RPS6KA2: variants seen among roughly 807,000 people sequenced by gnomAD.
The protein encoded by RPS6KA2 is ribosomal protein S6 kinase A2.
Under a neutral mutation model 91.8 loss-of-function variants are expected in RPS6KA2, and 42 were observed. The observed-to-expected ratio is 0.46, with a 90% CI of 0.36 to 0.59. RPS6KA2 has a LOEUF of 0.59. Among genes scored for constraint, RPS6KA2 ranks in the 20% least tolerant of loss-of-function variants. The pLI is 0.00. For missense variants in RPS6KA2, 798 were observed against 978.5 expected (o/e 0.82, Z 2.46); for synonymous variants, 414 against 393.6 (o/e 1.05, Z -0.61).
intron 2 of RPS6KA2, among the ~76,000 whole-genome samples, chr6:166,773,938 G>A (rs190053390): frequency 2.7e-4 from 41 of 152,316 alleles, no homozygotes; most frequent in Middle Eastern, 3.4e-3. Flanking sequence ...ATAAATGGAC[G>A]TGGTCAGACA....
intron 12 of RPS6KA2, among the ~76,000 whole-genome samples, chr6:166,458,132 G>T (rs1029586913): frequency 6.6e-6 from 1 of 152,190 alleles, no homozygotes; most frequent in Non-Finnish European, 1.5e-5. Context: ...TTTGGAGACA[G>T]GGCCTTGATA....
At chr6:166,581,214 A>T (rs1262500104) in intron 1 of RPS6KA2, among the ~76,000 whole-genome samples, 1 of 152,198 alleles carries the variant, frequency 6.6e-6, no homozygotes, top group Non-Finnish European at 1.5e-5. Context: ...TTAATATTGC[A>T]CATACATATT....
chr6:166,562,685 G>A (rs1397285969), intron 1 of RPS6KA2, among the ~76,000 whole-genome samples: 3 of 152,188 alleles, frequency 2.0e-5, no homozygotes, highest in South Asian at 2.1e-4. Context: ...AGACAAACCC[G>A]TTACCCATAA....
Position 166,732,864 on chromosome 6 carries a change from T to C in RPS6KA2, c.123+125336A>G, listed in dbSNP as rs893852846. The stretch of plus-strand genomic sequence containing the variant: ...GGCAGGGAACAGCCAAAGTGAAGGC[T>C]GCTCTGGTTCAAGTTGGTGTTCAAA... On this transcript the variant is annotated intron_variant, in intron 2 of 21. Transcript: ENST00000503859. The surrounding 1 kb of genome is among the most constrained non-coding windows in gnomAD (Gnocchi z 4.0). 2.2e-4 allele frequency among the ~76,000 whole-genome samples: 34 copies of C among 152,104 alleles called. No homozygotes were observed. Among genetic ancestry groups the C allele is most frequent in the African/African-American group, 7.7e-4 (32 of 41,332 alleles).
At position 166,411,902 on chromosome 6, in the gene RPS6KA2, G is replaced by T. The variant is rs367965678; in HGVS notation, c.*860C>A. The T allele has an allele frequency of 6.6e-6, 1 of 152,314 alleles. No individual in the cohort carries two copies. The highest frequency in any genetic ancestry group is 6.5e-5 in the Admixed American group (1 of 15,286). 9.4% of individuals were successfully genotyped at this position (152,314 alleles called of 1,614,324 possible). A position where few individuals can be genotyped will look rare whatever the true frequency, so the allele number is the denominator to read the frequency against. On this transcript the variant is annotated 3_prime_UTR_variant, in exon 21 of 21. Transcript: ENST00000265678. This position sits in a 1 kb window ranked among gnomAD's most constrained non-coding sequence, Gnocchi z 4.5. ...TGAGCACACAGGAAGCCGACACAGG[G>T]CTGAGCAGGTGCGAGAACCCACGAC...
intron 2 of RPS6KA2, among the ~76,000 whole-genome samples, chr6:166,721,452 T>C (rs1365895187): frequency 6.6e-6 from 1 of 152,232 alleles, no homozygotes; most frequent in East Asian, 1.9e-4. Flanking sequence ...CATCCCTCCC[T>C]TGCCAGAGAT....
intron 3 of RPS6KA2, among the ~76,000 whole-genome samples, chr6:166,529,013 C>T (rs542767053): frequency 3.3e-5 from 5 of 152,266 alleles, no homozygotes; most frequent in East Asian, 1.9e-4. Context: ...GACAGTGTGG[C>T]GATTCCTCAA....
intron 2 of RPS6KA2, among the ~76,000 whole-genome samples, chr6:166,824,701 CTG>C (rs372922737): frequency 0.043 from 4,805 of 111,076 alleles, 230 homozygotes; most frequent in African/African-American, 0.15. Context: ...GTGTCTGTGT[CTG>C]TGTGTGTGTG....
chr6:166,411,445 G>C lies in RPS6KA2; in HGVS notation c.*1317C>G, dbSNP rs1396349405. 2.0e-5 allele frequency: 3 copies of C among 152,270 alleles called. No individual in the cohort carries two copies. Among genetic ancestry groups the C allele is most frequent in the Middle Eastern group, 3.4e-3 (1 of 294 alleles). 9.4% of individuals were successfully genotyped at this position (152,270 alleles called of 1,614,324 possible). A position where few individuals can be genotyped will look rare whatever the true frequency, so the allele number is the denominator to read the frequency against. On this transcript the variant is annotated 3_prime_UTR_variant, in exon 21 of 21. Transcript: ENST00000265678. This position sits in a 1 kb window ranked among gnomAD's most constrained non-coding sequence, Gnocchi z 4.5. ...AGGGAGCATCTTCAACACCCTTACA[G>C]GACAATGAAGGACCCGTGTGTTCCC... is the stretch of plus-strand genomic sequence containing the variant.
chr6:166,757,369 C>T (rs548800124), intron 2 of RPS6KA2, among the ~76,000 whole-genome samples: 5 of 152,300 alleles, frequency 3.3e-5, no homozygotes, highest in East Asian at 3.9e-4. Flanking sequence ...CTCTTGGCAC[C>T]GCTCCGAGAC....
intron 2 of RPS6KA2, among the ~76,000 whole-genome samples, chr6:166,818,847 G>A (rs1051949304): frequency 2.0e-5 from 3 of 151,908 alleles, no homozygotes; most frequent in Non-Finnish European, 4.4e-5. Flanking sequence ...GCTGATAACT[G>A]GACATGCCCT....
At chr6:166,717,583 G>A (rs541147502) in intron 2 of RPS6KA2, among the ~76,000 whole-genome samples, 16 of 152,308 alleles carry the variant, frequency 1.1e-4, no homozygotes, top group South Asian at 6.2e-4. Flanking sequence ...GACAGATCCC[G>A]CGGGTGAAGT....
intron 11 of RPS6KA2, among the ~76,000 whole-genome samples, chr6:166,460,016 C>T (rs563574555): frequency 7.2e-5 from 11 of 152,310 alleles, no homozygotes; most frequent in Middle Eastern, 3.4e-3. Flanking sequence ...TTCAGCTCTG[C>T]GGGGCACTGC....
intron 2 of RPS6KA2, among the ~76,000 whole-genome samples, chr6:166,679,620 G>A (rs747399577): frequency 2.0e-5 from 3 of 152,212 alleles, no homozygotes; most frequent in East Asian, 3.9e-4. Flanking sequence ...GCTCGCTCTC[G>A]GCACCTCCTC....
chr6:166,584,775 C>T lies in RPS6KA2; in HGVS notation c.99+42146G>A, dbSNP rs918729701. On this transcript the variant is annotated intron_variant, in intron 1 of 20. Transcript: ENST00000265678. ...AGTAAATACGTTGAGGAGCTGTGAG[C>T]TCAGAAAGCGTTCCAATAGAATTCA... Among the ~76,000 whole-genome samples, 3 of 152,232 alleles carry T rather than the reference C, an allele frequency of 2.0e-5. 1 individual carries two copies. In the East Asian group the frequency reaches 5.8e-4, roughly 29 times the overall value.
intron 16 of RPS6KA2, among the ~76,000 whole-genome samples, chr6:166,424,516 C>T (rs1156644360): frequency 9.2e-5 from 14 of 152,176 alleles, no homozygotes; most frequent in African/African-American, 4.8e-5. Flanking sequence ...ACATGTGATA[C>T]GGTGCAGCTG....
chr6:166,483,182 C>A (rs1396652403), intron 10 of RPS6KA2, among the ~76,000 whole-genome samples: 1 of 152,218 alleles, frequency 6.6e-6, no homozygotes, highest in African/African-American at 2.4e-5. Context: ...GGGGAGAGGA[C>A]ACGCGCAGCT....
chr6:166,832,415 G>C (rs1780210697), intron 2 of RPS6KA2, among the ~76,000 whole-genome samples: 1 of 152,182 alleles, frequency 6.6e-6, no homozygotes, highest in South Asian at 2.1e-4. Flanking sequence ...ACTTCTGACA[G>C]ACCCCAGAGC....
At chr6:166,652,997 G>A (rs1787903896) in intron 2 of RPS6KA2, among the ~76,000 whole-genome samples, 1 of 152,216 alleles carries the variant, frequency 6.6e-6, no homozygotes, top group Admixed American at 6.5e-5. Flanking sequence ...TGCCTTCCCA[G>A]GGTAGCCCCG....
Sources: allele counts gnomAD v4.1 joint callset (sites outside exome capture counted in the v4.1 genomes callset), GRCh38; gene constraint gnomAD v4.1.1; non-coding constraint Gnocchi (gnomAD v3.1); transcripts MANE v1.5; gene names NCBI Gene and HGNC (gene_info 2026-07-23, HGNC 2026-07-21).